Variants in TFDP1 observed in about 807,000 individuals in gnomAD.
TFDP1 encodes DRTF1-polypeptide 1.
Under a neutral mutation model 48.0 loss-of-function variants are expected in TFDP1, and 6 were observed. The ratio of observed to expected loss-of-function variants is 0.13; its 90% CI spans 0.07 to 0.25. The LOEUF (loss-of-function observed/expected upper bound fraction) is 0.25, where lower values mean the gene tolerates loss of function less well. TFDP1 is among the 10% of genes least tolerant of loss of function. The pLI is 1.00. For missense variants in TFDP1, 335 were observed against 543.0 expected, an observed-to-expected ratio of 0.62 and a Z score of 3.81; for synonymous variants, 201 against 211.6, an observed-to-expected ratio of 0.95 and a Z score of 0.44.
At chr13:113,589,708 C>T (rs1353176903) in intron 2 of TFDP1, among the ~76,000 whole-genome samples, 1 of 152,242 alleles carries the variant, frequency 6.6e-6, no homozygotes, top group East Asian at 1.9e-4. Context: ...TGCTTTGGCA[C>T]CTCCTTAGAG....
chr13:113,596,689 A>G (rs1214917028), intron 2 of TFDP1, among the ~76,000 whole-genome samples: 3 of 152,278 alleles, frequency 2.0e-5, no homozygotes, highest in Admixed American at 1.3e-4. Context: ...TTTTTCTCTA[A>G]CAAATGGAAA....
chr13:113,610,446 C>T lies in TFDP1; in HGVS notation c.13-550C>T, dbSNP rs557805995. ...GGCTGTGCCATCACACATGTGCCCC[C>T]GCTGTGTGGCTGTGCCATCACGTGT... On this transcript the variant is annotated intron_variant, in intron 2 of 11. Transcript: ENST00000375370. Among the ~76,000 whole-genome samples, 72 of 151,502 alleles carry T rather than the reference C, an allele frequency of 4.8e-4. No homozygotes were observed. In the South Asian group the frequency reaches 0.013, roughly 27 times the overall value.
At chr13:113,592,950 G>T (rs765694425) in intron 2 of TFDP1, among the ~76,000 whole-genome samples, 3 of 151,384 alleles carry the variant, frequency 2.0e-5, no homozygotes, top group Non-Finnish European at 4.4e-5. Flanking sequence ...GGTGACAGGC[G>T]TGCTGTGTGC....
intron 2 of TFDP1, among the ~76,000 whole-genome samples, chr13:113,609,422 C>T (rs1490558695): frequency 6.6e-5 from 10 of 152,126 alleles, no homozygotes; most frequent in Admixed American, 3.3e-4. Flanking sequence ...CCGGTTGGAA[C>T]GGCAGTAGTG....
At chr13:113,625,758 G>A (rs1287392041) in intron 4 of TFDP1, among the ~76,000 whole-genome samples, 17 of 103,428 alleles carry the variant, frequency 1.6e-4, no homozygotes, top group South Asian at 8.0e-4. Flanking sequence ...CGTCTCTCAC[G>A]TGTCCTCAGG....
intron 4 of TFDP1, among the ~76,000 whole-genome samples, chr13:113,624,633 C>G (rs917433568): frequency 6.1e-4 from 51 of 84,172 alleles, no homozygotes; most frequent in African/African-American, 3.2e-3. Flanking sequence ...CTTCAGGTGT[C>G]TCTCAGGGTG....
At chr13:113,626,796 A>G (rs1405986139) in intron 4 of TFDP1, among the ~76,000 whole-genome samples, 1 of 152,244 alleles carries the variant, frequency 6.6e-6, no homozygotes, top group Non-Finnish European at 1.5e-5. Flanking sequence ...TGATAATTAG[A>G]TTATAGGTTT....
At position 113,612,345 on chromosome 13, in the gene TFDP1, CAGAG is replaced by C. The variant is rs561427719; in HGVS notation, c.79+1284_79+1287del. Among the ~76,000 whole-genome samples the C allele has an allele frequency of 2.4e-3, 368 of 152,340 alleles. 3 individuals are homozygous for C. Among genetic ancestry groups the C allele is most frequent in the African/African-American group, 8.4e-3 (350 of 41,580 alleles). ...GCCTCCTGCTGTCCCCGGGCCCTGT[CAGAG>C]GGAGGTGGTGGGACTGGCCCTGCTC... On this transcript the variant is annotated intron_variant, in intron 3 of 11. Coordinates refer to ENST00000375370, the MANE Select transcript of TFDP1 (RefSeq NM_007111.5).
chr13:113,628,247 G>GAGACTGTGTCTGAAGCCGTGTAA (rs1566670147), intron 4 of TFDP1, among the ~76,000 whole-genome samples: 92 of 145,386 alleles, frequency 6.3e-4, no homozygotes, highest in African/African-American at 2.2e-3. Flanking sequence ...GAGCCGTGTA[G>GAGACTGTGTCTGAAGCCGTGTAA]AGACTGTGTC....
In TFDP1 at chr13:113,637,298, T is replaced by G. The variant is rs565364834; in HGVS notation, c.1007-520T>G. ...GATCCTTCTCTTGTTAGCCTAAACT[T>G]GGGGTGTAGATTTATTCCCTGAGAG... On this transcript the variant is annotated intron_variant, in intron 10 of 11. Transcript: ENST00000375370. The G allele has an allele frequency of 1.5e-4, 42 of 276,754 alleles. No homozygotes were observed. The Admixed American group carries it at 1.9e-3, about 12-fold the overall frequency. 17.1% of individuals were successfully genotyped at this position (276,754 alleles called of 1,614,324 possible). A position where few individuals can be genotyped will look rare whatever the true frequency, so the allele number is the denominator to read the frequency against.
intron 2 of TFDP1, among the ~76,000 whole-genome samples, chr13:113,591,009 C>CAAAAAAA (rs71101595): frequency 1.0e-4 from 6 of 59,764 alleles, no homozygotes; most frequent in Admixed American, 2.1e-4. Flanking sequence ...GACTCTGTCT[C>CAAAAAAA]AAAAAAAAAA....
chr13:113,618,615 C>T (rs1158887761), intron 3 of TFDP1, among the ~76,000 whole-genome samples: 1 of 152,178 alleles, frequency 6.6e-6, no homozygotes, highest in African/African-American at 2.4e-5. Flanking sequence ...GCCACTGGTG[C>T]GTCTGGCCTG....
intron 1 of TFDP1, 52 bp downstream of exon 1, chr13:113,584,940 C>G (rs1393498307): frequency 6.8e-6 from 1 of 146,240 alleles, no homozygotes; most frequent in African/African-American, 2.5e-5. Context: ...GCCGGGGGTG[C>G]GGGCGGGACC....
intron 2 of TFDP1, among the ~76,000 whole-genome samples, chr13:113,595,575 T>A (rs150913175): frequency 1.9e-3 from 290 of 152,322 alleles, no homozygotes; most frequent in Middle Eastern, 0.01. Context: ...CACTCCCCTG[T>A]GGTTGGGGAT....
At chr13:113,586,088 G>C (rs1248646832) in intron 2 of TFDP1, 1 of 412,180 alleles carries the variant, frequency 2.4e-6, no homozygotes, top group Non-Finnish European at 4.3e-6. Context: ...GTGATGGGGT[G>C]GTGCCTTCTG....
intron 9 of TFDP1, 139 bp from the exon 10 acceptor site, chr13:113,636,395 A>G: frequency 9.3e-7 from 1 of 1,078,578 alleles, no homozygotes; most frequent in Non-Finnish European, 1.4e-6. Flanking sequence ...GAGTTTATAA[A>G]TTCTGTGAGG....
intron 2 of TFDP1, among the ~76,000 whole-genome samples, chr13:113,606,071 G>A (rs1319939564): frequency 4.1e-5 from 6 of 145,942 alleles, no homozygotes; most frequent in African/African-American, 1.0e-4. Context: ...AAGGCGGTGC[G>A]GTGATGAGTG....
chr13:113,617,451 C>CTCACCTGCAGAACCGT (rs1566659323), intron 3 of TFDP1, among the ~76,000 whole-genome samples: 9 of 151,506 alleles, frequency 5.9e-5, no homozygotes, highest in Non-Finnish European at 2.9e-5. Flanking sequence ...TGCAGAGCCG[C>CTCACCTGCAGAACCGT]TCACCTGCAG....
intron 8 of TFDP1, among the ~76,000 whole-genome samples, chr13:113,635,300 G>A (rs1037122297): frequency 6.6e-6 from 1 of 152,204 alleles, no homozygotes; most frequent in Non-Finnish European, 1.5e-5. Context: ...GGCAGCCGTG[G>A]TGATGGAGGC....
Sources: allele counts gnomAD v4.1 joint callset (sites outside exome capture counted in the v4.1 genomes callset), GRCh38; gene constraint gnomAD v4.1.1; transcripts MANE v1.5; gene names NCBI Gene and HGNC (gene_info 2026-07-23, HGNC 2026-07-21).